The following CSMD1 variants were observed in gnomAD, a reference collection of about 807,000 sequenced individuals.
CSMD1 encodes the protein CUB and sushi domain-containing protein 1.
A neutral mutation model predicts 417.5 loss-of-function variants in CSMD1; 213 were observed. That is an observed-to-expected ratio of 0.51 (90% CI 0.46 to 0.57). CSMD1 has a LOEUF of 0.57. Ranked by LOEUF, CSMD1 falls within the 20% of genes least tolerant of loss-of-function variation. CSMD1 has a pLI of 0.00. For synonymous variants in CSMD1, 2,862 were observed against 1,736.8 expected (o/e 1.65, Z -16.11); for missense variants, 6,923 against 4,529.7 (o/e 1.53, Z -15.17).
chr8:2,945,348 T>C (rs931529627), intron 68 of CSMD1, among the ~76,000 whole-genome samples: 1 of 152,200 alleles, frequency 6.6e-6, no homozygotes, highest in African/African-American at 2.4e-5. Flanking sequence ...TTGGCATATA[T>C]GAATCAGATT....
chr8:4,423,755 C>G lies in CSMD1; in HGVS notation c.303-3690G>C, dbSNP rs114445376. On this transcript the variant is annotated intron_variant, in intron 2 of 69. Transcript: ENST00000635120. ...ACAAACAAAAAAAAATAGAATAGCT[C>G]AAACATTTTGCGAGAGAAGAATAAA... 4.8e-3 allele frequency among the ~76,000 whole-genome samples: 731 copies of G among 151,970 alleles called. 6 individuals are homozygous for G. Among genetic ancestry groups the G allele is most frequent in the African/African-American group, 0.017 (706 of 41,508 alleles).
chr8:3,656,476 G>A (rs1392906012), intron 7 of CSMD1, among the ~76,000 whole-genome samples: 1 of 152,124 alleles, frequency 6.6e-6, no homozygotes, highest in African/African-American at 2.4e-5. Context: ...ACAGAAATCT[G>A]CATCTGAAGC....
chr8:4,909,330 C>T (rs1805507882), intron 1 of CSMD1, among the ~76,000 whole-genome samples: 1 of 152,112 alleles, frequency 6.6e-6, no homozygotes, highest in South Asian at 2.1e-4. Flanking sequence ...CCTCCTTTTA[C>T]CTCCTTGCCT....
chr8:3,366,691 C>T (rs1809588738), intron 20 of CSMD1, among the ~76,000 whole-genome samples: 1 of 152,104 alleles, frequency 6.6e-6, no homozygotes, highest in South Asian at 2.1e-4. Flanking sequence ...GAGGATGCCT[C>T]CCAATAAAGG....
At chr8:3,717,126 G>C (rs1409814853) in intron 6 of CSMD1, among the ~76,000 whole-genome samples, 1 of 152,054 alleles carries the variant, frequency 6.6e-6, no homozygotes, top group Non-Finnish European at 1.5e-5. Flanking sequence ...TTATAGCCCT[G>C]ACTTTAACCA....
chr8:3,416,606 G>C (rs892575266), intron 12 of CSMD1, among the ~76,000 whole-genome samples: 1 of 152,128 alleles, frequency 6.6e-6, no homozygotes, highest in Non-Finnish European at 1.5e-5. Flanking sequence ...GTCAACCATG[G>C]GTGTCCCAGG....
chr8:4,958,364 A>C (rs1483233570), intron 1 of CSMD1, among the ~76,000 whole-genome samples: 1 of 152,158 alleles, frequency 6.6e-6, no homozygotes, highest in African/African-American at 2.4e-5. Context: ...GTTGATCTTT[A>C]CCCACCTATT....
chr8:4,127,538 T>G (rs1802839389), intron 3 of CSMD1, among the ~76,000 whole-genome samples: 1 of 151,486 alleles, frequency 6.6e-6, no homozygotes, highest in African/African-American at 2.4e-5. Context: ...AACCCTTTGG[T>G]TTTCCTAGTC....
intron 12 of CSMD1, among the ~76,000 whole-genome samples, chr8:3,429,777 T>C (rs1243481348): frequency 3.3e-5 from 5 of 152,212 alleles, no homozygotes; most frequent in Non-Finnish European, 5.9e-5. Context: ...TTGTTTTCTA[T>C]GGTTTGTAAT....
intron 5 of CSMD1, among the ~76,000 whole-genome samples, chr8:3,968,395 C>T (rs772370638): frequency 2.0e-5 from 3 of 152,126 alleles, no homozygotes; most frequent in African/African-American, 7.2e-5. Flanking sequence ...TCACTGAGCA[C>T]GGCTCTTCTT....
chr8:3,144,794 A>G (rs979690224), intron 40 of CSMD1, among the ~76,000 whole-genome samples: 8 of 27,590 alleles, frequency 2.9e-4, no homozygotes, highest in Non-Finnish European at 4.4e-4. Context: ...AGAGGCAACA[A>G]GGGGGGGGGG....
intron 3 of CSMD1, among the ~76,000 whole-genome samples, chr8:4,357,874 C>T (rs1801518602): frequency 6.6e-6 from 1 of 151,844 alleles, no homozygotes; most frequent in South Asian, 2.1e-4. Flanking sequence ...TATTTTAATG[C>T]TAAAATCATA....
intron 15 of CSMD1, 60 bp from the exon 16 acceptor site, chr8:3,399,589 A>G (rs1235013305): frequency 1.5e-6 from 2 of 1,315,096 alleles, no homozygotes; most frequent in African/African-American, 3.0e-5. Flanking sequence ...TGCCATAACA[A>G]TACCCGGATA....
intron 26 of CSMD1, among the ~76,000 whole-genome samples, chr8:3,277,394 A>G (rs1802380443): frequency 6.6e-6 from 1 of 152,178 alleles, no homozygotes; most frequent in African/African-American, 2.4e-5. Flanking sequence ...GAAGCCCGTG[A>G]GCAAGGCAGG....
chr8:3,689,174 G>C (rs1800103542), intron 7 of CSMD1, among the ~76,000 whole-genome samples: 1 of 152,194 alleles, frequency 6.6e-6, no homozygotes, highest in Non-Finnish European at 1.5e-5. Context: ...TTGGGAACAT[G>C]TCATGACTTT....
chr8:3,276,759 T>C (rs1802325923), intron 26 of CSMD1, among the ~76,000 whole-genome samples: 1 of 152,130 alleles, frequency 6.6e-6, no homozygotes, highest in Admixed American at 6.6e-5. Flanking sequence ...GATGAAGAGG[T>C]ATTCATTATG....
chr8:4,701,521 G>C (rs114056672), intron 1 of CSMD1, among the ~76,000 whole-genome samples: 2 of 151,998 alleles, frequency 1.3e-5, no homozygotes, highest in Admixed American at 6.6e-5. Flanking sequence ...AGAGGGACTG[G>C]GAAGCATCAA....
chr8:3,507,021 G>C (rs1363403976), intron 10 of CSMD1, among the ~76,000 whole-genome samples: 1 of 152,098 alleles, frequency 6.6e-6, no homozygotes, highest in Non-Finnish European at 1.5e-5. Flanking sequence ...GATGTTGTAA[G>C]AATTGAACAA....
chr8:4,416,447 A>G (rs1483110962), intron 3 of CSMD1, among the ~76,000 whole-genome samples: 1 of 152,120 alleles, frequency 6.6e-6, no homozygotes, highest in Non-Finnish European at 1.5e-5. Context: ...AACATTTGAA[A>G]TTATATTCAT....
Sources: allele counts gnomAD v4.1 joint callset (sites outside exome capture counted in the v4.1 genomes callset), GRCh38; gene constraint gnomAD v4.1.1; transcripts MANE v1.5; gene names NCBI Gene and HGNC (gene_info 2026-07-23, HGNC 2026-07-21).